Variants in CLDN16 observed in about 807,000 individuals in gnomAD.
CLDN16 encodes claudin-16.
In CLDN16, 13 loss-of-function variants were observed where a neutral mutation model predicts 24.6. The observed-to-expected ratio is 0.53, with a 90% confidence interval of 0.34 to 0.84. The LOEUF is 0.84. Among genes scored for constraint, CLDN16 ranks in the 40% least tolerant of loss-of-function variants. The pLI is 0.01. For synonymous variants in CLDN16, 116 were observed against 106.7 expected, an observed-to-expected ratio of 1.09 and a Z score of -0.54; for missense variants, 298 against 292.7, an observed-to-expected ratio of 1.02 and a Z score of -0.13.
At chr3:190,398,405 C>A (rs1164288483) in intron 1 of CLDN16, among the ~76,000 whole-genome samples, 2 of 152,196 alleles carry the variant, frequency 1.3e-5, no homozygotes, top group Non-Finnish European at 2.9e-5. Flanking sequence ...TGACTTGTAG[C>A]TTTATCCCTC....
chr3:190,295,212 G>C, the CLDN16 span, among the ~76,000 whole-genome samples: 2 of 151,976 alleles, frequency 1.3e-5, no homozygotes, highest in Non-Finnish European at 2.9e-5. Context: ...TGGTTGTCAG[G>C]TACACAATGA....
intron 1 of CLDN16, among the ~76,000 whole-genome samples, chr3:190,332,881 G>A (rs1717214180): frequency 6.6e-6 from 1 of 151,906 alleles, no homozygotes; most frequent in African/African-American, 2.4e-5. Flanking sequence ...CATACACTTT[G>A]CTTTATTAAG....
chr3:190,387,036 C>A (rs1248038744), upstream of CLDN16, among the ~76,000 whole-genome samples: 2 of 152,092 alleles, frequency 1.3e-5, no homozygotes, highest in Admixed American at 6.6e-5. Context: ...CTCTTTCTGG[C>A]CTTTTCTCTG....
At chr3:190,321,903 A>G (rs1038460087), upstream of CLDN16, 2 of 1,023,176 alleles carry the variant, frequency 2.0e-6, no homozygotes, top group Non-Finnish European at 3.1e-6. Flanking sequence ...CCATGGAATC[A>G]CACAACAGAA....
At chr3:190,364,349 A>G (rs965292222) in intron 1 of CLDN16, among the ~76,000 whole-genome samples, 4 of 151,942 alleles carry the variant, frequency 2.6e-5, no homozygotes, top group African/African-American at 9.7e-5. Context: ...TGTCCTGTAC[A>G]TGCCATCCTG....
At chr3:190,290,438 A>G in the CLDN16 span, among the ~76,000 whole-genome samples, 1 of 152,324 alleles carries the variant, frequency 6.6e-6, no homozygotes, top group South Asian at 2.1e-4. Context: ...AATTAGGTTT[A>G]GTCTAAATTG....
At chr3:190,379,913 T>G (rs896962651) in intron 3 of CLDN16, among the ~76,000 whole-genome samples, 3 of 152,080 alleles carry the variant, frequency 2.0e-5, no homozygotes, top group Non-Finnish European at 4.4e-5. Flanking sequence ...CTATAACATT[T>G]TGTGGAAACA....
At chr3:190,355,864 C>A (rs1183001658) in intron 1 of CLDN16, among the ~76,000 whole-genome samples, 1 of 151,556 alleles carries the variant, frequency 6.6e-6, no homozygotes, top group African/African-American at 2.4e-5. Context: ...ACTTTGATTT[C>A]TCATTTCTGT....
chr3:190,332,537 A>T (rs1717204370), intron 1 of CLDN16, among the ~76,000 whole-genome samples: 1 of 152,170 alleles, frequency 6.6e-6, no homozygotes, highest in African/African-American at 2.4e-5. Flanking sequence ...CACCTGTGCA[A>T]TTTCTAAGGA....
intron 1 of CLDN16, among the ~76,000 whole-genome samples, chr3:190,329,572 A>T (rs1717139340): frequency 1.3e-5 from 2 of 152,158 alleles, no homozygotes; most frequent in Admixed American, 6.5e-5. Flanking sequence ...AGCCTGTAAG[A>T]TGCAATTTGG....
At chr3:190,329,042 T>C (rs187523303) in intron 1 of CLDN16, among the ~76,000 whole-genome samples, 21 of 152,334 alleles carry the variant, frequency 1.4e-4, no homozygotes, top group Admixed American at 1.2e-3. Flanking sequence ...CATGCCAAGC[T>C]AAGTGTGGAC....
chr3:190,318,140 G>A (rs1423659287), upstream of CLDN16, among the ~76,000 whole-genome samples: 1 of 152,134 alleles, frequency 6.6e-6, no homozygotes, highest in East Asian at 1.9e-4. Context: ...ATGAGGTGAT[G>A]GTCACCAGAT....
At chr3:190,409,186 A>ACACACGTATATGTATGTATATATG (rs1491109328) in intron 4 of CLDN16, among the ~76,000 whole-genome samples, 1 of 99,520 alleles carries the variant, frequency 1.0e-5, no homozygotes, top group Non-Finnish European at 2.3e-5. Flanking sequence ...ATGTATATAT[A>ACACACGTATATGTATGTATATATG]CACACACGTA....
chr3:190,338,426 G>T (rs1178491111), intron 1 of CLDN16, among the ~76,000 whole-genome samples: 1 of 152,180 alleles, frequency 6.6e-6, no homozygotes, highest in Non-Finnish European at 1.5e-5. Flanking sequence ...ATAGGGGCAT[G>T]GAGAAATACT....
chr3:190,393,616 T>A (rs1040650962), intron 1 of CLDN16, among the ~76,000 whole-genome samples: 1 of 152,162 alleles, frequency 6.6e-6, no homozygotes, highest in Non-Finnish European at 1.5e-5. Context: ...TTTGTTTTTG[T>A]TCTGGAGAAG....
intron 1 of CLDN16, among the ~76,000 whole-genome samples, chr3:190,343,071 G>A (rs1174542496): frequency 2.0e-5 from 3 of 152,112 alleles, no homozygotes; most frequent in African/African-American, 7.2e-5. Flanking sequence ...CAGAGAAAGG[G>A]TTAATATAAA....
intron 1 of CLDN16, among the ~76,000 whole-genome samples, chr3:190,397,507 C>A (rs957497368): frequency 1.3e-5 from 2 of 152,118 alleles, no homozygotes; most frequent in Admixed American, 1.3e-4. Context: ...GATTTGCTTG[C>A]TTTTTAGTTT....
In CLDN16 at chr3:190,338,165, A is replaced by G. The variant is rs148870424; in HGVS notation, n.121+15504A>G. ...CCAAGAATTGACTAGGAGATGTTGT[A>G]TTGCCTGTCTACTCAATTTTAGAGC... On this transcript the variant is annotated intron_variant and non_coding_transcript_variant, in intron 1 of 4. Coordinates refer to the CLDN16 transcript ENST00000468220. Among the ~76,000 whole-genome samples, 179 of 152,258 alleles carry G rather than the reference A, an allele frequency of 1.2e-3. 1 individual carries two copies. Among genetic ancestry groups the G allele is most frequent in the African/African-American group, 4.0e-3 (167 of 41,542 alleles).
chr3:190,335,708 CAAAAAA>C lies in CLDN16; in HGVS notation n.121+13065_121+13070del, dbSNP rs34082811. On this transcript the variant is annotated intron_variant and non_coding_transcript_variant, in intron 1 of 4. Coordinates refer to the CLDN16 transcript ENST00000468220. ...GCCTGGTGACAGAGCAAGACTCCAT[CAAAAAA>C]AAAAAAAAAAAAAAAAAGGTTTATC... Among the ~76,000 whole-genome samples the C allele has an allele frequency of 5.9e-3, 353 of 60,144 alleles. 3 individuals are homozygous for C. The highest frequency in any genetic ancestry group is 0.022 in the African/African-American group (336 of 15,374). 39.5% of individuals were successfully genotyped at this position (60,144 alleles called of 152,430 possible). A position where few individuals can be genotyped will look rare whatever the true frequency, so the allele number is the denominator to read the frequency against.
Sources: allele counts gnomAD v4.1 joint callset (sites outside exome capture counted in the v4.1 genomes callset), GRCh38; gene constraint gnomAD v4.1.1; transcripts MANE v1.5; gene names NCBI Gene and HGNC (gene_info 2026-07-23, HGNC 2026-07-21).